RGS6: variants seen among roughly 807,000 people sequenced by gnomAD.
RGS6 encodes the protein regulator of G-protein signaling 6.
Under a neutral mutation model 78.5 loss-of-function variants are expected in RGS6, and 30 were observed. That is an observed-to-expected ratio of 0.38 (90% CI 0.29 to 0.52). The LOEUF is 0.52. Among genes scored for constraint, RGS6 ranks in the 20% least tolerant of loss-of-function variants. The pLI, the probability that RGS6 is intolerant of heterozygous loss-of-function variation, is 0.85. For missense variants in RGS6, 495 were observed against 609.7 expected (o/e 0.81, Z 1.98); for synonymous variants, 206 against 206.0 (o/e 1.00, Z 0.00).
At position 72,423,328 on chromosome 14, in the gene RGS6, G is replaced by A. The variant is rs564043926; in HGVS notation, c.185-31200G>A. Among the ~76,000 whole-genome samples the A allele has an allele frequency of 5.8e-4, 88 of 152,230 alleles. 1 individual carries two copies. The highest frequency in any genetic ancestry group is 1.9e-3 in the African/African-American group (80 of 41,544). The stretch of plus-strand genomic sequence containing the variant: ...ATGTTTACCTGGCCCTCAGGCTCAC[G>A]CTGATGGCCCTGGGCTGCTTTTTTC... On this transcript the variant is annotated intron_variant, in intron 3 of 17. Coordinates refer to ENST00000553525, the MANE Select transcript of RGS6 (RefSeq NM_001204424.2).
chr14:72,061,145 G>A (rs969318941), intron 2 of RGS6, among the ~76,000 whole-genome samples: 3 of 152,196 alleles, frequency 2.0e-5, no homozygotes, highest in African/African-American at 7.2e-5. Context: ...AAGAGCCAGT[G>A]CATGATTCAT....
chr14:71,960,962 G>C (rs1274528803), intron 1 of RGS6, among the ~76,000 whole-genome samples: 1 of 152,202 alleles, frequency 6.6e-6, no homozygotes, highest in Non-Finnish European at 1.5e-5. Context: ...AACATTTTAA[G>C]GAGAGGATCT....
the RGS6 span, chr14:72,629,577 C>G: frequency 2.7e-6 from 4 of 1,499,398 alleles, no homozygotes; most frequent in Non-Finnish European, 3.6e-6. Context: ...TCAAAGGACC[C>G]CAGCTCTGTG....
At chr14:71,977,786 C>T (rs957635146) in intron 2 of RGS6, among the ~76,000 whole-genome samples, 56 of 151,916 alleles carry the variant, frequency 3.7e-4, no homozygotes, top group African/African-American at 1.2e-3. Flanking sequence ...GTAGTTTTTT[C>T]CAATTCTGTG....
intron 13 of RGS6, among the ~76,000 whole-genome samples, chr14:72,496,591 A>G (rs1043882268): frequency 1.3e-5 from 2 of 152,230 alleles, no homozygotes; most frequent in Non-Finnish European, 2.9e-5. Context: ...TTTTCAATTT[A>G]TGTGTCTTTC....
chr14:72,116,396 A>T (rs768806143), intron 2 of RGS6, among the ~76,000 whole-genome samples: 2 of 151,988 alleles, frequency 1.3e-5, no homozygotes, highest in Admixed American at 1.3e-4. Flanking sequence ...CAACCATGAC[A>T]TCATTGGCAT....
intron 2 of RGS6, among the ~76,000 whole-genome samples, chr14:72,269,074 A>G (rs1336722193): frequency 1.3e-5 from 2 of 152,028 alleles, no homozygotes; most frequent in African/African-American, 4.8e-5. Flanking sequence ...GTATCTTTTA[A>G]TCCAGCAATA....
the RGS6 span, among the ~76,000 whole-genome samples, chr14:72,602,096 A>G: frequency 3.3e-5 from 5 of 152,356 alleles, no homozygotes. Context: ...TCTTCCCACA[A>G]AGGCAAGATA....
chr14:72,130,157 T>A (rs1000052466), intron 2 of RGS6, among the ~76,000 whole-genome samples: 1 of 152,206 alleles, frequency 6.6e-6, no homozygotes, highest in African/African-American at 2.4e-5. Context: ...CAGTTTATTA[T>A]AAATGATACA....
At chr14:71,889,226 G>C in the RGS6 span, among the ~76,000 whole-genome samples, 2 of 152,248 alleles carry the variant, frequency 1.3e-5, no homozygotes, top group South Asian at 2.1e-4. Context: ...TGGTGTGTTT[G>C]ACGTAGGAGG....
intron 3 of RGS6, among the ~76,000 whole-genome samples, chr14:72,375,030 A>G (rs2084350267): frequency 6.6e-6 from 1 of 152,186 alleles, no homozygotes; most frequent in Admixed American, 6.5e-5. Flanking sequence ...TTGATAAACT[A>G]GAAGATAAAG....
At chr14:72,547,068 C>A in intron 17 of RGS6, 1 of 1,073,074 alleles carries the variant, frequency 9.3e-7, no homozygotes, top group South Asian at 1.4e-5. Context: ...AGTAAGAAGG[C>A]AGAGAGTGAA....
intron 2 of RGS6, among the ~76,000 whole-genome samples, chr14:72,234,841 T>G (rs922646593): frequency 2.6e-5 from 4 of 152,134 alleles, no homozygotes; most frequent in Non-Finnish European, 5.9e-5. Context: ...TCTCACCACT[T>G]TATTTCGTTA....
At chr14:72,470,220 A>G in intron 8 of RGS6, 137 bp downstream of exon 8, 2 of 642,976 alleles carry the variant, frequency 3.1e-6, no homozygotes, top group Non-Finnish European at 5.5e-6. Flanking sequence ...AACTGAGTAG[A>G]AATTAAAGTC....
At chr14:72,100,079 T>C (rs1314665794) in intron 2 of RGS6, among the ~76,000 whole-genome samples, 1 of 152,002 alleles carries the variant, frequency 6.6e-6, no homozygotes, top group African/African-American at 2.4e-5. Flanking sequence ...GAGAGTTGCT[T>C]GGGGCTTGAA....
intron 2 of RGS6, among the ~76,000 whole-genome samples, chr14:72,107,970 T>C (rs1267963576): frequency 6.6e-6 from 1 of 152,192 alleles, no homozygotes; most frequent in Non-Finnish European, 1.5e-5. Context: ...TCTGTTTTTA[T>C]CAGGTAATAG....
At chr14:72,474,331 TA>T (rs1036609548) in intron 9 of RGS6, among the ~76,000 whole-genome samples, 8 of 151,962 alleles carry the variant, frequency 5.3e-5, no homozygotes, top group African/African-American at 1.2e-4. Flanking sequence ...GTTAAGTATG[TA>T]AAAAAAAATT....
chr14:72,607,168 C>A, the RGS6 span, among the ~76,000 whole-genome samples: 1 of 152,282 alleles, frequency 6.6e-6, no homozygotes, highest in South Asian at 2.1e-4. Flanking sequence ...CATCTACTGC[C>A]TTCTCAAAAG....
At chr14:72,356,244 C>A (rs1043364984) in intron 3 of RGS6, among the ~76,000 whole-genome samples, 1 of 152,052 alleles carries the variant, frequency 6.6e-6, no homozygotes, top group Non-Finnish European at 1.5e-5. Context: ...AAGGTTCTCC[C>A]GTGCTGTTCT....
Sources: allele counts gnomAD v4.1 joint callset (sites outside exome capture counted in the v4.1 genomes callset), GRCh38; gene constraint gnomAD v4.1.1; transcripts MANE v1.5; gene names NCBI Gene and HGNC (gene_info 2026-07-23, HGNC 2026-07-21).